The following SNRPA variants were observed in gnomAD, a reference collection of about 807,000 sequenced individuals.
SNRPA encodes the protein U1 small nuclear ribonucleoprotein A.
SNRPA carries 10 observed loss-of-function variants against 24.5 expected under a neutral mutation model. That is an observed-to-expected ratio of 0.41 (90% CI 0.25 to 0.69). The LOEUF is 0.69. SNRPA is among the 30% of genes least tolerant of loss of function. SNRPA has a pLI of 0.33. For missense variants in SNRPA, 283 were observed against 394.7 expected (o/e 0.72, Z 2.40); for synonymous variants, 165 against 148.4 (o/e 1.11, Z -0.81).
At chr19:40,754,617 T>G (rs1193928971) in intron 1 of SNRPA, among the ~76,000 whole-genome samples, 2 of 152,182 alleles carry the variant, frequency 1.3e-5, no homozygotes, top group African/African-American at 2.4e-5. Flanking sequence ...TTGGTCCAGC[T>G]TGTTCAGATG....
intron 1 of SNRPA, among the ~76,000 whole-genome samples, chr19:40,756,488 C>T (rs968138709): frequency 6.6e-6 from 1 of 151,766 alleles, no homozygotes; most frequent in Non-Finnish European, 1.5e-5. Flanking sequence ...CCCAGCTACT[C>T]CATAGGCTGA....
chr19:40,751,405 C>CT lies in SNRPA; in HGVS notation c.-3dup, dbSNP rs1568481674. On this transcript the variant is annotated 5_prime_UTR_variant, in exon 1 of 6. Transcript: ENST00000243563. ...CTTTAAGACTTACCTCAACACTTCA[C>CT]TCCATGGCAGTTCCCGAGACCCGCC... 6.2e-7 allele frequency: 1 copy of CT among 1,610,276 alleles called. No homozygotes were observed.
chr19:40,763,096 C>T (rs769519677), intron 4 of SNRPA, 22 bp downstream of exon 4: 2 of 1,527,190 alleles, frequency 1.3e-6, no homozygotes, highest in East Asian at 2.3e-5. Flanking sequence ...GTCCCACCCA[C>T]CAGGTCTCAT....
At position 40,761,458 on chromosome 19, in the gene SNRPA, CTTTTT is replaced by C. The variant is rs200242370; in HGVS notation, c.427-1421_427-1417del. 6.9e-3 allele frequency among the ~76,000 whole-genome samples: 591 copies of C among 85,822 alleles called. 2 individuals are homozygous for C. The highest frequency in any genetic ancestry group is 0.027 in the Middle Eastern group (3 of 110). 56.3% of individuals were successfully genotyped at this position (85,822 alleles called of 152,430 possible). A position where few individuals can be genotyped will look rare whatever the true frequency, so the allele number is the denominator to read the frequency against. On this transcript the variant is annotated intron_variant, in intron 3 of 5. Transcript: ENST00000243563. ...TCTCTTTTCTTTTCTTTTTCTTTTT[CTTTTT>C]TTTTTTTTTTTTTTTTTTTTTGAGA...
At chr19:40,758,610 C>T (rs2082918237) in intron 2 of SNRPA, among the ~76,000 whole-genome samples, 1 of 152,164 alleles carries the variant, frequency 6.6e-6, no homozygotes, top group Admixed American at 6.5e-5. Flanking sequence ...TCATTTAGTC[C>T]TCACAACAGT....
At chr19:40,763,164 G>T in intron 4 of SNRPA, 90 bp downstream of exon 4, 1 of 1,070,708 alleles carries the variant, frequency 9.3e-7, no homozygotes. Context: ...CTGTAGGTTG[G>T]GTGGTCTGGG....
chr19:40,754,000 A>G (rs1270449965), intron 1 of SNRPA, among the ~76,000 whole-genome samples: 1 of 150,260 alleles, frequency 6.7e-6, no homozygotes, highest in Non-Finnish European at 1.5e-5. Context: ...AAGGGGTTTA[A>G]CCATGTTAGC....
At chr19:40,760,960 C>G (rs887261506) in intron 3 of SNRPA, among the ~76,000 whole-genome samples, 22 of 151,778 alleles carry the variant, frequency 1.4e-4, no homozygotes, top group African/African-American at 3.6e-4. Context: ...GTTTTGTTTT[C>G]TTTTGTTTTT....
Position 40,762,920 on chromosome 19 carries a change from A to G in SNRPA, c.446A>G (p.Gln149Arg), listed in dbSNP as rs1454281429. 6.2e-7 allele frequency: 1 copy of G among 1,613,466 alleles called. No individual in the cohort carries two copies. Among genetic ancestry groups the G allele is most frequent in the Non-Finnish European group, 8.5e-7 (1 of 1,179,898 alleles). ...GPVPGMPPMT[Q>R]APRIMHHMPG... ...CCACAGGGCATGCCGCCGATGACTC[A>G]GGCGCCCCGCATTATGCACCACATG... The change falls in exon 4 of 6, where the codon CAG (glutamine) becomes CGG (arginine). Residue 149 changes from glutamine to arginine, a missense_variant. By Grantham distance (43) the Gln-to-Arg change is conservative. This residue lies in a region of SNRPA where 167 missense variants were observed against 174.3 expected (regional missense o/e 0.96). Transcript: ENST00000243563.
intron 3 of SNRPA, among the ~76,000 whole-genome samples, chr19:40,761,763 G>A (rs1046619140): frequency 1.3e-5 from 2 of 151,894 alleles, no homozygotes; most frequent in East Asian, 1.9e-4. Flanking sequence ...CACTGCACCC[G>A]GCCCTCACAC....
At chr19:40,756,221 A>G (rs1019361251) in intron 1 of SNRPA, among the ~76,000 whole-genome samples, 5 of 151,840 alleles carry the variant, frequency 3.3e-5, no homozygotes, top group Admixed American at 1.3e-4. Flanking sequence ...GTAAGCTACC[A>G]TCATGCCACT....
At chr19:40,754,315 C>A (rs2082899360) in intron 1 of SNRPA, among the ~76,000 whole-genome samples, 1 of 151,864 alleles carries the variant, frequency 6.6e-6, no homozygotes, top group Admixed American at 6.6e-5. Context: ...CTTGGCTATG[C>A]TGGTCTCGAA....
At chr19:40,752,437 AT>A (rs1299486882) in intron 1 of SNRPA, among the ~76,000 whole-genome samples, 2 of 148,238 alleles carry the variant, frequency 1.3e-5, no homozygotes, top group East Asian at 2.1e-4. Context: ...CCCGTATAGA[AT>A]TCTGCTTAGG....
chr19:40,757,867 G>A (rs942102732), intron 2 of SNRPA, among the ~76,000 whole-genome samples: 3 of 151,392 alleles, frequency 2.0e-5, no homozygotes, highest in South Asian at 2.1e-4. Flanking sequence ...GCTTGAACCC[G>A]GGAGGCAGAG....
At chr19:40,759,361 T>C in intron 2 of SNRPA, 70 bp from the exon 3 acceptor site, 1 of 1,454,794 alleles carries the variant, frequency 6.9e-7, no homozygotes, top group East Asian at 2.4e-5. Flanking sequence ...CTGATAAAGG[T>C]CCAATTTTGA....
intron 1 of SNRPA, among the ~76,000 whole-genome samples, chr19:40,755,019 A>G (rs1337645247): frequency 1.3e-5 from 2 of 151,754 alleles, no homozygotes; most frequent in African/African-American, 4.8e-5. Context: ...CACCCAGCCT[A>G]CACATTTTCT....
chr19:40,754,116 T>TTTTG (rs2082898280), intron 1 of SNRPA, among the ~76,000 whole-genome samples: 2 of 145,946 alleles, frequency 1.4e-5, no homozygotes, highest in African/African-American at 2.5e-5. Flanking sequence ...TTTTTTTTTT[T>TTTTG]GAGATGAGAC....
rs2082858162 is a variant in SNRPA, at chr19:40,751,360, C to T, written c.-49C>T. 1 of 1,427,822 alleles carries T rather than the reference C, an allele frequency of 7.0e-7. No homozygotes were observed. Among genetic ancestry groups the T allele is most frequent in the Non-Finnish European group, 9.9e-7 (1 of 1,010,476 alleles). The allele number at this position is 1,427,822 out of a possible 1,614,324, so 88.4% of individuals were successfully genotyped here. On this transcript the variant is annotated 5_prime_UTR_variant, in exon 1 of 6. Transcript: ENST00000243563. The stretch of plus-strand genomic sequence containing the variant: ...ACAAAGGATTTGGAGAAACCCAGGG[C>T]TAAAGTCACGTTTTTCCTCCTTTAA...
intron 5 of SNRPA, among the ~76,000 whole-genome samples, 193 bp from the exon 6 acceptor site, chr19:40,764,815 T>G (rs571777500): frequency 7.8e-4 from 119 of 152,354 alleles, no homozygotes; most frequent in Non-Finnish European, 1.6e-3. Context: ...GTTTAAATTT[T>G]TCATTAAATG....
Sources: gnomAD v4.1 joint callset for allele counts (sites outside exome capture counted in the v4.1 genomes callset) on GRCh38, gnomAD v4.1.1 for gene constraint, gnomAD v4.1.1 regional missense constraint, MANE v1.5 for transcripts, NCBI Gene and HGNC (gene_info 2026-07-23, HGNC 2026-07-21) for gene names.